The following ZNF136 variants were observed in gnomAD, a reference collection of about 807,000 sequenced individuals.
The protein encoded by ZNF136 is zinc finger protein 136 (clone pHZ-20).
A neutral mutation model predicts 11.4 loss-of-function variants in ZNF136; 8 were observed. The ratio of observed to expected loss-of-function variants is 0.70; its 90% CI spans 0.41 to 1.27. The LOEUF is 1.27. ZNF136 is among the 50% of genes most tolerant of loss of function. ZNF136 has a pLI of 0.01. For missense variants in ZNF136, 590 were observed against 656.5 expected, an observed-to-expected ratio of 0.90 and a Z score of 1.11; for synonymous variants, 190 against 207.1, an observed-to-expected ratio of 0.92 and a Z score of 0.71.
rs375762773 is a variant in ZNF136 at position 12,188,500 on chromosome 19, A to G, written c.*499A>G. On this transcript the variant is annotated 3_prime_UTR_variant, in exon 4 of 4. Coordinates refer to ENST00000343979, the MANE Select transcript of ZNF136 (RefSeq NM_003437.5). ...AGAATGTACCCTGGATCAAAACACT[A>G]TAAATGTGAAAACTACAAGGAAGGT... 1 of 152,506 alleles carries G rather than the reference A, an allele frequency of 6.6e-6. No individual in the cohort carries two copies. The highest frequency in any genetic ancestry group is 1.5e-5 in the Non-Finnish European group (1 of 68,248). 9.4% of individuals were successfully genotyped at this position (152,506 alleles called of 1,614,324 possible).
chr19:12,187,810 TGTAAGCGATGTG>T lies in ZNF136; in HGVS notation c.1437_1448del (p.Arg480_Lys483del). On this transcript the variant is annotated inframe_deletion, in exon 4 of 4. Transcript: ENST00000343979. Reference sequence around the variant, plus strand: ...TCACACTGGTGAGAAACCCTTTGAATGTAAGCGATGTGGTAAAGCCTTTAGATCTTCTAGTTC... The same window carrying T: ...TCACACTGGTGAGAAACCCTTTGAATGTAAAGCCTTTAGATCTTCTAGTTC... 6.2e-7 allele frequency: 1 copy of T among 1,607,378 alleles called. No homozygotes were observed. Among genetic ancestry groups the T allele is most frequent in the Non-Finnish European group, 8.5e-7 (1 of 1,177,610 alleles).
In ZNF136 at chr19:12,188,096, C is replaced by CT; in HGVS notation, c.*101dup. The CT allele has an allele frequency of 1.9e-6, 2 of 1,079,646 alleles. No individual in the cohort carries two copies. The highest frequency in any genetic ancestry group is 3.2e-5 in the Admixed American group (1 of 31,264). The allele number at this position is 1,079,646 out of a possible 1,614,324, so 66.9% of individuals were successfully genotyped here. A position where few individuals can be genotyped will look rare whatever the true frequency, so the allele number is the denominator to read the frequency against. The stretch of plus-strand genomic sequence containing the variant: ...GGAAAGCATGAAATTCTGTCAGTGC[C>CT]TTTTTTAATACATGAAAGAATTCTA... On this transcript the variant is annotated 3_prime_UTR_variant, in exon 4 of 4. Transcript: ENST00000343979.
intron 1 of ZNF136, among the ~76,000 whole-genome samples, chr19:12,175,045 A>T (rs1430441162): frequency 6.6e-6 from 1 of 151,354 alleles, no homozygotes; most frequent in Non-Finnish European, 1.5e-5. Flanking sequence ...TTTAATAGAG[A>T]CAGTGTTTCG....
chr19:12,181,528 A>G (rs542388900), intron 1 of ZNF136, among the ~76,000 whole-genome samples: 1 of 150,352 alleles, frequency 6.7e-6, no homozygotes, highest in Non-Finnish European at 1.5e-5. Flanking sequence ...GCTGGAATGC[A>G]GTGGCGCAAT....
chr19:12,177,375 C>A (rs979056989), intron 1 of ZNF136, among the ~76,000 whole-genome samples: 3 of 152,228 alleles, frequency 2.0e-5, no homozygotes, highest in Non-Finnish European at 4.4e-5. Flanking sequence ...CGGAGTCTCG[C>A]TCTGTAGCCC....
At position 12,188,987 on chromosome 19, in the gene ZNF136, A is replaced by G. The variant is rs1174059714; in HGVS notation, c.*986A>G. ...AATAGTTCTCTGACTATGGATTTCA[A>G]ATGCTTAATCTCACAAAGAAATGTT... On this transcript the variant is annotated 3_prime_UTR_variant, in exon 4 of 4. Coordinates refer to ENST00000343979, the MANE Select transcript of ZNF136 (RefSeq NM_003437.5). 3 of 152,188 alleles carry G rather than the reference A, an allele frequency of 2.0e-5. No individual in the cohort carries two copies. The East Asian group carries it at 5.8e-4, about 29-fold the overall frequency. 9.4% of individuals were successfully genotyped at this position (152,188 alleles called of 1,614,324 possible). A position where few individuals can be genotyped will look rare whatever the true frequency, so the allele number is the denominator to read the frequency against.
chr19:12,175,752 G>A (rs149547199), intron 1 of ZNF136, among the ~76,000 whole-genome samples: 2 of 152,222 alleles, frequency 1.3e-5, no homozygotes, highest in African/African-American at 4.8e-5. Flanking sequence ...TTCTGTTATG[G>A]TGTAATACAG....
At chr19:12,171,231 G>A (rs948479137) in intron 1 of ZNF136, among the ~76,000 whole-genome samples, 1 of 151,890 alleles carries the variant, frequency 6.6e-6, no homozygotes, top group Non-Finnish European at 1.5e-5. Context: ...TGCCTGCCTC[G>A]GCCTCCCAAA....
Position 12,187,139 on chromosome 19 carries a change from G to GT in ZNF136, c.762dup (p.Lys255Ter). ...CACACTGGAGATGGACCTTATAAAT[G>GT]TAAGGTATGTGGGAAACCCTTTCAT... On this transcript the variant is annotated frameshift_variant, in exon 4 of 4. Transcript: ENST00000343979. LOFTEE classifies it low-confidence loss of function (END_TRUNC). The GT allele has an allele frequency of 6.2e-7, 1 of 1,614,142 alleles. No homozygotes were observed. Among genetic ancestry groups the GT allele is most frequent in the Non-Finnish European group, 8.5e-7 (1 of 1,180,002 alleles).
At chr19:12,183,548 A>AATCTATCTATCT (rs57826139) in intron 1 of ZNF136, among the ~76,000 whole-genome samples, 97 of 145,530 alleles carry the variant, frequency 6.7e-4, no homozygotes, top group East Asian at 1.6e-3. Flanking sequence ...CACATAACTG[A>AATCTATCTATCT]ATCTATCTAT....
intron 1 of ZNF136, among the ~76,000 whole-genome samples, chr19:12,170,749 A>G (rs767456182): frequency 4.6e-5 from 7 of 151,058 alleles, no homozygotes; most frequent in Non-Finnish European, 1.0e-4. Flanking sequence ...AGCTCACTGC[A>G]ACCTCTGCCT....
At chr19:12,170,541 CAT>C (rs762719266) in intron 1 of ZNF136, among the ~76,000 whole-genome samples, 153 of 152,130 alleles carry the variant, frequency 1.0e-3, no homozygotes, top group Non-Finnish European at 1.9e-3. Flanking sequence ...GCGTGTGCCA[CAT>C]GCCTGATTAA....
intron 1 of ZNF136, among the ~76,000 whole-genome samples, chr19:12,181,829 G>C (rs149661895): frequency 0.031 from 4,716 of 152,194 alleles, 254 homozygotes; most frequent in African/African-American, 0.11. Context: ...TAGAGACAGG[G>C]TTTCACCATA....
At chr19:12,178,821 TCTA>T (rs1017142705) in intron 1 of ZNF136, among the ~76,000 whole-genome samples, 23 of 152,100 alleles carry the variant, frequency 1.5e-4, no homozygotes, top group Non-Finnish European at 2.9e-4. Flanking sequence ...TAACCCTGTC[TCTA>T]CTAAAAATGC....
At chr19:12,182,803 T>C (rs562070081) in intron 1 of ZNF136, among the ~76,000 whole-genome samples, 42 of 152,110 alleles carry the variant, frequency 2.8e-4, no homozygotes, top group African/African-American at 9.4e-4. Context: ...AGCAGCACTT[T>C]AGTGACAGGA....
intron 1 of ZNF136, among the ~76,000 whole-genome samples, chr19:12,168,669 T>C (rs1914552647): frequency 6.6e-6 from 1 of 151,948 alleles, no homozygotes; most frequent in African/African-American, 2.4e-5. Flanking sequence ...ATTTGGCTGT[T>C]CTTGGGTCAT....
intron 1 of ZNF136, among the ~76,000 whole-genome samples, chr19:12,175,607 A>T (rs927904638): frequency 1.3e-5 from 2 of 152,214 alleles, no homozygotes; most frequent in African/African-American, 4.8e-5. Flanking sequence ...AGCTATCAAC[A>T]TTCTGCACCA....
In ZNF136 at chr19:12,187,685, G is replaced by A. The variant is rs775063911; in HGVS notation, c.1307G>A (p.Arg436Gln). 54 of 1,613,812 alleles carry A rather than the reference G, an allele frequency of 3.3e-5. No individual in the cohort carries two copies. Among genetic ancestry groups the A allele is most frequent in the Admixed American group, 5.0e-5 (3 of 59,964 alleles). Residue 436 changes from arginine (R) to glutamine (Q), a missense_variant, in exon 4 of 4, where the codon CGA (arginine) becomes CAA (glutamine). Coordinates refer to ENST00000343979, the MANE Select transcript of ZNF136 (RefSeq NM_003437.5). ...GCTTTCGTTTCTTCAACATCAATTCGAATACATGAAAGAACTCATACTGGA... is the reference window on the plus strand; with the variant it reads ...GCTTTCGTTTCTTCAACATCAATTCAAATACATGAAAGAACTCATACTGGA... ...GKAFVSSTSI[R>Q]IHERTHTGEK...
At chr19:12,164,769 G>T (rs1381002335) in intron 1 of ZNF136, 1 of 152,128 alleles carries the variant, frequency 6.6e-6, no homozygotes, top group South Asian at 2.1e-4. Flanking sequence ...GATAAATGTG[G>T]GTCCTTTTAA....
Sources: allele counts gnomAD v4.1 joint callset (sites outside exome capture counted in the v4.1 genomes callset), GRCh38; gene constraint gnomAD v4.1.1; transcripts MANE v1.5; gene names NCBI Gene and HGNC (gene_info 2026-07-23, HGNC 2026-07-21).